The following GRID2 variants were observed in gnomAD, a reference collection of about 807,000 sequenced individuals.
The protein encoded by GRID2 is glutamate receptor ionotropic, delta-2.
In GRID2, 33 loss-of-function variants were observed where a neutral mutation model predicts 114.8. The observed-to-expected ratio is 0.29, with a 90% CI of 0.22 to 0.38. The LOEUF is 0.38. GRID2 is among the 10% of genes least tolerant of loss of function. The pLI is 1.00. For missense variants in GRID2, 1,184 were observed against 1,257.7 expected (o/e 0.94, Z 0.89); for synonymous variants, 505 against 449.9 (o/e 1.12, Z -1.55).
chr4:92,342,464 G>A (rs1727545527), intron 1 of GRID2, among the ~76,000 whole-genome samples: 2 of 152,176 alleles, frequency 1.3e-5, no homozygotes, highest in South Asian at 4.1e-4. Flanking sequence ...TATAATTAGA[G>A]AAGTCAGTGA....
chr4:93,710,717 C>T (rs1160942395), intron 14 of GRID2, among the ~76,000 whole-genome samples: 2 of 152,166 alleles, frequency 1.3e-5, no homozygotes, highest in African/African-American at 4.8e-5. Flanking sequence ...TGTCTGGGAG[C>T]CAGGACCTGG....
intron 10 of GRID2, among the ~76,000 whole-genome samples, chr4:93,446,227 C>T (rs1014968551): frequency 1.3e-5 from 2 of 152,106 alleles, no homozygotes; most frequent in South Asian, 4.1e-4. Flanking sequence ...ATCCAGGGTT[C>T]CTGGCACAGC....
intron 2 of GRID2, among the ~76,000 whole-genome samples, chr4:93,018,436 T>G (rs1722977492): frequency 6.6e-6 from 1 of 152,128 alleles, no homozygotes; most frequent in South Asian, 2.1e-4. Context: ...GTGAGAGATG[T>G]TGGCATTGTG....
chr4:92,911,752 C>G (rs1263702776), intron 2 of GRID2, among the ~76,000 whole-genome samples: 2 of 151,204 alleles, frequency 1.3e-5, no homozygotes, highest in East Asian at 1.9e-4. Context: ...TAGAGACTTG[C>G]TTTCAAGTAT....
chr4:93,703,949 T>G (rs554314574), intron 14 of GRID2, among the ~76,000 whole-genome samples: 1 of 152,300 alleles, frequency 6.6e-6, no homozygotes, highest in Non-Finnish European at 1.5e-5. Flanking sequence ...AGTGCCGTGA[T>G]AAACATACGT....
intron 1 of GRID2, among the ~76,000 whole-genome samples, chr4:92,415,732 G>GTA (rs1254971068): frequency 4.1e-5 from 3 of 73,924 alleles, no homozygotes; most frequent in Non-Finnish European, 8.4e-5. Flanking sequence ...GTGTGTGTGT[G>GTA]TATGTGTGTA....
At chr4:93,376,157 A>G (rs1160230580) in intron 8 of GRID2, among the ~76,000 whole-genome samples, 1 of 152,164 alleles carries the variant, frequency 6.6e-6, no homozygotes, top group Non-Finnish European at 1.5e-5. Context: ...ATGCATTGTG[A>G]GGTACTGGGG....
At chr4:92,343,461 C>A (rs11729115) in intron 1 of GRID2, among the ~76,000 whole-genome samples, 1 of 151,968 alleles carries the variant, frequency 6.6e-6, no homozygotes, top group African/African-American at 2.4e-5. Flanking sequence ...TTTTTACTTC[C>A]TAGAAACTTA....
intron 2 of GRID2, among the ~76,000 whole-genome samples, chr4:92,835,387 A>T (rs1742383717): frequency 6.6e-6 from 1 of 152,208 alleles, no homozygotes; most frequent in Non-Finnish European, 1.5e-5. Flanking sequence ...CAGTAGGTAG[A>T]GAGGCATGTA....
chr4:93,788,032 T>G (rs1305412712), intron 1 of GRID2, among the ~76,000 whole-genome samples: 2 of 152,104 alleles, frequency 1.3e-5, no homozygotes, highest in Admixed American at 6.6e-5. Context: ...ATGTAACGCC[T>G]AAGGCTGGGC....
At chr4:92,910,937 A>G (rs1001989656) in intron 2 of GRID2, among the ~76,000 whole-genome samples, 1 of 152,136 alleles carries the variant, frequency 6.6e-6, no homozygotes, top group Non-Finnish European at 1.5e-5. Flanking sequence ...ATTCATGGAT[A>G]TGGAGGACCA....
intron 2 of GRID2, among the ~76,000 whole-genome samples, chr4:92,882,289 G>T (rs890674019): frequency 2.6e-5 from 4 of 152,144 alleles, no homozygotes; most frequent in Non-Finnish European, 5.9e-5. Flanking sequence ...ACAGAGACAA[G>T]AATACCATTT....
intron 4 of GRID2, among the ~76,000 whole-genome samples, chr4:93,197,466 A>G (rs1741613318): frequency 6.6e-6 from 1 of 152,136 alleles, no homozygotes; most frequent in African/African-American, 2.4e-5. Flanking sequence ...GTATATAAAA[A>G]CACATAGTGT....
At chr4:93,289,492 G>C (rs72874911) in intron 8 of GRID2, among the ~76,000 whole-genome samples, 7,541 of 152,124 alleles carry the variant, frequency 0.05, 616 homozygotes, top group African/African-American at 0.17. Flanking sequence ...TTTTCCCATT[G>C]TATAATAGTT....
chr4:92,306,751 G>A (rs1258718579), intron 1 of GRID2, among the ~76,000 whole-genome samples: 1 of 152,142 alleles, frequency 6.6e-6, no homozygotes, highest in South Asian at 2.1e-4. Context: ...TTTTTAGTTT[G>A]TATACTGTTG....
intron 14 of GRID2, among the ~76,000 whole-genome samples, chr4:93,652,508 A>T (rs1374454802): frequency 6.6e-6 from 1 of 152,142 alleles, no homozygotes; most frequent in Non-Finnish European, 1.5e-5. Flanking sequence ...TATTCTGTAT[A>T]GTAACATGCA....
In GRID2 at chr4:92,658,478, C is replaced by A. The variant is rs181439792; in HGVS notation, c.244+68192C>A. ...ACGCTGGTAAAGGCATAGCTGAAGC[C>A]CCATTAGGTCTGGCCCAGACAGCAT... On this transcript the variant is annotated intron_variant, in intron 2 of 15. Transcript: ENST00000282020. Among the ~76,000 whole-genome samples, 16 of 151,698 alleles carry A rather than the reference C, an allele frequency of 1.1e-4. 1 individual carries two copies. The highest frequency in any genetic ancestry group is 1.5e-4 in the Non-Finnish European group (10 of 67,770).
chr4:92,963,126 C>A (rs1261409772), intron 2 of GRID2, among the ~76,000 whole-genome samples: 3 of 151,952 alleles, frequency 2.0e-5, no homozygotes, highest in African/African-American at 7.2e-5. Flanking sequence ...GGGCCTTCAG[C>A]GTGTCATAAT....
chr4:92,964,042 T>G (rs1752982854), intron 2 of GRID2, among the ~76,000 whole-genome samples: 1 of 152,046 alleles, frequency 6.6e-6, no homozygotes, highest in Non-Finnish European at 1.5e-5. Flanking sequence ...CTTAAAATAT[T>G]CAGGAAACCA....
Sources: gnomAD v4.1 joint callset for allele counts (sites outside exome capture counted in the v4.1 genomes callset) on GRCh38, gnomAD v4.1.1 for gene constraint, MANE v1.5 for transcripts, NCBI Gene and HGNC (gene_info 2026-07-23, HGNC 2026-07-21) for gene names.